Variants in WHRN observed in about 807,000 individuals in gnomAD.
The protein encoded by WHRN is CASK-interacting protein CIP98.
WHRN carries 41 observed loss-of-function variants against 68.3 expected under a neutral mutation model. The observed-to-expected ratio is 0.60, with a 90% CI of 0.47 to 0.78. The LOEUF (loss-of-function observed/expected upper bound fraction) is 0.78. Ranked by LOEUF, WHRN falls within the 30% of genes least tolerant of loss-of-function variation. WHRN has a pLI of 0.00. For synonymous variants in WHRN, 560 were observed against 561.3 expected (o/e 1.00, Z 0.03); for missense variants, 1,243 against 1,244.7 (o/e 1.00, Z 0.02).
At chr9:114,466,188 G>T in intron 3 of WHRN, 79 bp downstream of exon 3, 1 of 1,600,112 alleles carries the variant, frequency 6.2e-7, no homozygotes. Context: ...AGTGCTGATT[G>T]CTCTGCTGGA....
At chr9:114,404,977 C>A (rs1172045815) in intron 9 of WHRN, among the ~76,000 whole-genome samples, 1 of 151,712 alleles carries the variant, frequency 6.6e-6, no homozygotes, top group Non-Finnish European at 1.5e-5. Context: ...CCACTCAGCT[C>A]AGGCAGGGGC....
chr9:114,408,151 A>G, intron 7 of WHRN, 133 bp from the exon 8 acceptor site: 1 of 735,804 alleles, frequency 1.4e-6, no homozygotes, highest in East Asian at 2.7e-5. Flanking sequence ...GACATACCTC[A>G]CTTCATCGAA....
chr9:114,466,110 G>GGT lies in WHRN; in HGVS notation c.963+156_963+157insAC, dbSNP rs1165343135. Among the ~76,000 whole-genome samples the GGT allele has an allele frequency of 2.0e-5, 3 of 152,238 alleles. No homozygotes were observed. The East Asian group carries it at 5.8e-4, about 29-fold the overall frequency. ...CGTAGGCGGCCACCCCGCTGCTGCT[G>GGT]TGAGCTGTGAATTTAGAGGTACAGC... On this transcript the variant is annotated intron_variant, in intron 3 of 11. Transcript: ENST00000362057.
At chr9:114,412,324 G>A (rs542354457) in intron 7 of WHRN, among the ~76,000 whole-genome samples, 2 of 152,316 alleles carry the variant, frequency 1.3e-5, no homozygotes, top group East Asian at 3.9e-4. Context: ...TCATGCAGGA[G>A]CTGGGCCTGT....
intron 3 of WHRN, among the ~76,000 whole-genome samples, chr9:114,453,855 A>C (rs752020653): frequency 3.1e-4 from 47 of 152,318 alleles, no homozygotes; most frequent in Admixed American, 5.9e-4. Flanking sequence ...GACTAGATAC[A>C]TTATAAGAAA....
chr9:114,497,820 A>C (rs1259773001), intron 1 of WHRN, among the ~76,000 whole-genome samples: 1 of 152,174 alleles, frequency 6.6e-6, no homozygotes, highest in African/African-American at 2.4e-5. Flanking sequence ...CTCAAATAGC[A>C]GAGGGTTCCA....
intron 2 of WHRN, 51 bp from the exon 3 acceptor site, chr9:114,466,443 C>T (rs373596930): frequency 5.0e-5 from 81 of 1,611,174 alleles, no homozygotes; most frequent in Non-Finnish European, 4.2e-5. Flanking sequence ...CCATCCCTTC[C>T]GGGGACAGCA....
chr9:114,443,447 C>T (rs1159442463), intron 3 of WHRN, among the ~76,000 whole-genome samples: 2 of 152,150 alleles, frequency 1.3e-5, no homozygotes, highest in African/African-American at 2.4e-5. Flanking sequence ...GTAGCCCCTT[C>T]CTCCATCTTC....
intron 3 of WHRN, among the ~76,000 whole-genome samples, chr9:114,438,479 G>C (rs968350045): frequency 1.4e-5 from 2 of 144,408 alleles, no homozygotes; most frequent in African/African-American, 5.2e-5. Context: ...TTGAGACAGA[G>C]TCTCACTCTG....
At chr9:114,410,299 C>A (rs1835341607) in intron 7 of WHRN, among the ~76,000 whole-genome samples, 1 of 152,254 alleles carries the variant, frequency 6.6e-6, no homozygotes, top group Admixed American at 6.5e-5. Flanking sequence ...CATGCAACTA[C>A]TCGGTCCTCA....
At chr9:114,425,172 G>T in intron 4 of WHRN, 148 bp from the exon 5 acceptor site, 1 of 819,900 alleles carries the variant, frequency 1.2e-6, no homozygotes, top group Non-Finnish European at 2.2e-6. Flanking sequence ...CAGTCTGGGG[G>T]CTACTCAGGG....
At chr9:114,459,563 A>G (rs2132850193) in intron 3 of WHRN, among the ~76,000 whole-genome samples, 1 of 152,328 alleles carries the variant, frequency 6.6e-6, no homozygotes, top group Admixed American at 6.5e-5. Flanking sequence ...TGCTGTCCAG[A>G]GACTCAGTCC....
chr9:114,464,816 AATGATGATG>A (rs10523063), intron 3 of WHRN, among the ~76,000 whole-genome samples: 17,728 of 144,542 alleles, frequency 0.12, 1,324 homozygotes, highest in East Asian at 0.34. Flanking sequence ...TTATGTCCAT[AATGATGATG>A]ATGATGATGA....
chr9:114,500,094 C>T (rs1175191132), intron 1 of WHRN, among the ~76,000 whole-genome samples: 2 of 152,128 alleles, frequency 1.3e-5, no homozygotes, highest in African/African-American at 2.4e-5. Context: ...AAACCTTGAG[C>T]GTCAGCTTGA....
At chr9:114,470,009 T>C (rs759943303) in intron 2 of WHRN, among the ~76,000 whole-genome samples, 1 of 152,176 alleles carries the variant, frequency 6.6e-6, no homozygotes, top group South Asian at 2.1e-4. Context: ...GATTACATCT[T>C]GCAAGGACCC....
chr9:114,469,413 C>T (rs1841002258), intron 2 of WHRN, among the ~76,000 whole-genome samples: 1 of 152,210 alleles, frequency 6.6e-6, no homozygotes. Flanking sequence ...ACAAGGCCAC[C>T]CAGGACGGGA....
rs1835567467 is a variant in WHRN at position 114,413,096 on chromosome 9, T to C, written c.1627-5078A>G. Among the ~76,000 whole-genome samples, 3 of 152,290 alleles carry C rather than the reference T, an allele frequency of 2.0e-5. No homozygotes were observed. The South Asian group carries it at 6.2e-4, about 32-fold the overall frequency. ...GCTGAGTGGTTCTTTCTTCATTCTG[T>C]ATGTGGGGAAACTGAGGCACTGAGT... is the stretch of plus-strand genomic sequence containing the variant. On this transcript the variant is annotated intron_variant, in intron 7 of 11. Coordinates refer to ENST00000362057, the MANE Select transcript of WHRN (RefSeq NM_015404.4).
rs554207243 is a variant in WHRN, at chr9:114,461,484, C to T, written c.963+4783G>A. Among the ~76,000 whole-genome samples the T allele has an allele frequency of 1.4e-4, 22 of 152,330 alleles. 1 individual carries two copies. The South Asian group carries it at 4.6e-3, about 32-fold the overall frequency. On this transcript the variant is annotated intron_variant, in intron 3 of 11. Coordinates refer to ENST00000362057, the MANE Select transcript of WHRN (RefSeq NM_015404.4). ...AATAACTGCAGATCTTGATCATCGT[C>T]TTTTCACAGCTGCACAGTCTTGGGT...
intron 7 of WHRN, among the ~76,000 whole-genome samples, chr9:114,419,506 T>C (rs1227312327): frequency 1.3e-5 from 2 of 152,122 alleles, no homozygotes; most frequent in African/African-American, 2.4e-5. Context: ...GCTTTTATAA[T>C]AGGACATAAT....
Sources: gnomAD v4.1 joint callset for allele counts (sites outside exome capture counted in the v4.1 genomes callset) on GRCh38, gnomAD v4.1.1 for gene constraint, MANE v1.5 for transcripts, NCBI Gene and HGNC (gene_info 2026-07-23, HGNC 2026-07-21) for gene names.